Variants in VPS8 observed in about 807,000 individuals in gnomAD.
VPS8 encodes the protein vacuolar protein sorting-associated protein 8 homolog.
Under a neutral mutation model 216.4 loss-of-function variants are expected in VPS8, and 129 were observed. The observed-to-expected ratio is 0.60, with a 90% CI of 0.52 to 0.69. The LOEUF (loss-of-function observed/expected upper bound fraction) is 0.69, where lower values mean the gene tolerates loss of function less well. Ranked by LOEUF, VPS8 falls within the 30% of genes least tolerant of loss-of-function variation. VPS8 has a pLI of 0.00. For synonymous variants in VPS8, 571 were observed against 565.4 expected (o/e 1.01, Z -0.14); for missense variants, 1,531 against 1,683.5 (o/e 0.91, Z 1.59).
intron 21 of VPS8, among the ~76,000 whole-genome samples, chr3:184,876,715 C>G (rs1729344311): frequency 1.3e-5 from 2 of 152,168 alleles, no homozygotes; most frequent in Non-Finnish European, 2.9e-5. Flanking sequence ...TTGTTCCTGG[C>G]TATTCTGCCT....
chr3:184,831,296 C>T (rs956877311), intron 3 of VPS8, among the ~76,000 whole-genome samples: 11 of 152,134 alleles, frequency 7.2e-5, no homozygotes, highest in African/African-American at 2.2e-4. Context: ...TACTGCACAC[C>T]GGCCTGGGTG....
At chr3:184,819,238 C>T (rs1258791200) in intron 1 of VPS8, among the ~76,000 whole-genome samples, 1 of 151,630 alleles carries the variant, frequency 6.6e-6, no homozygotes, top group Non-Finnish European at 1.5e-5. Flanking sequence ...TTTATCAGCA[C>T]TCAGAAGAGA....
At chr3:185,051,769 T>A in intron 47 of VPS8, 107 bp from the exon 48 acceptor site, 1 of 1,317,026 alleles carries the variant, frequency 7.6e-7, no homozygotes, top group East Asian at 2.7e-5. Flanking sequence ...ATGTTACTAC[T>A]CCTGCAACAC....
chr3:184,825,752 AG>A (rs1418396168), intron 2 of VPS8, among the ~76,000 whole-genome samples: 3 of 152,090 alleles, frequency 2.0e-5, no homozygotes, highest in African/African-American at 7.2e-5. Context: ...AATACAAAAA[AG>A]ATTAGCTGCT....
At chr3:184,932,298 G>A (rs1163937084) in intron 34 of VPS8, among the ~76,000 whole-genome samples, 1 of 152,044 alleles carries the variant, frequency 6.6e-6, no homozygotes, top group African/African-American at 2.4e-5. Flanking sequence ...TATTGCACAT[G>A]TACATAGATA....
intron 46 of VPS8, among the ~76,000 whole-genome samples, chr3:185,036,953 ATT>A (rs1393093591): frequency 6.6e-6 from 1 of 152,034 alleles, no homozygotes; most frequent in Non-Finnish European, 1.5e-5. Context: ...TAAGCCCAAC[ATT>A]TTATTATACA....
In VPS8 at chr3:185,052,135, G is replaced by A; in HGVS notation, c.*110G>A. On this transcript the variant is annotated 3_prime_UTR_variant, in exon 48 of 48. Transcript: ENST00000625842. ...CCACCACCTCCCACGCTTCTGAGAA[G>A]AGGTTCCAAATTGGGCTTCTGTGCC... 1 of 1,307,982 alleles carries A rather than the reference G, an allele frequency of 7.6e-7. No homozygotes were observed. Among genetic ancestry groups the A allele is most frequent in the South Asian group, 1.6e-5 (1 of 63,082 alleles). 81.0% of individuals were successfully genotyped at this position (1,307,982 alleles called of 1,614,324 possible). A position where few individuals can be genotyped will look rare whatever the true frequency, so the allele number is the denominator to read the frequency against.
At chr3:184,835,732 C>T (rs534563452) in intron 5 of VPS8, among the ~76,000 whole-genome samples, 21 of 120,952 alleles carry the variant, frequency 1.7e-4, no homozygotes, top group African/African-American at 6.0e-4. Context: ...TTTTTTGAGA[C>T]GGAGTCTCAC....
intron 42 of VPS8, among the ~76,000 whole-genome samples, chr3:184,991,233 G>A (rs1751857723): frequency 6.6e-6 from 1 of 152,178 alleles, no homozygotes; most frequent in African/African-American, 2.4e-5. Context: ...TCTAGTGTGT[G>A]TCTTGAAAAA....
intron 37 of VPS8, among the ~76,000 whole-genome samples, chr3:184,963,659 C>T (rs555073729): frequency 6.6e-6 from 1 of 151,900 alleles, no homozygotes; most frequent in East Asian, 1.9e-4. Context: ...AAGGTATTGG[C>T]GAATAGAAGC....
At chr3:185,047,173 A>C (rs1188834906) in intron 46 of VPS8, among the ~76,000 whole-genome samples, 1 of 152,212 alleles carries the variant, frequency 6.6e-6, no homozygotes, top group Non-Finnish European at 1.5e-5. Context: ...GACGAGGGCC[A>C]CATGATGTTG....
intron 32 of VPS8, among the ~76,000 whole-genome samples, chr3:184,929,108 G>A (rs1394125462): frequency 2.0e-5 from 3 of 152,078 alleles, no homozygotes; most frequent in Non-Finnish European, 4.4e-5. Context: ...TGAACCTATA[G>A]TTAAAGGTTA....
chr3:184,962,640 G>T (rs1746714402), intron 37 of VPS8, among the ~76,000 whole-genome samples: 1 of 151,500 alleles, frequency 6.6e-6, no homozygotes, highest in African/African-American at 2.4e-5. Flanking sequence ...TGTGTTGGAG[G>T]TACTTTCTTC....
In VPS8 at chr3:184,862,910, G is replaced by C. The variant is rs377718593; in HGVS notation, c.1238G>C (p.Arg413Pro). ...CTTGAATTACAGTGGATAAATTCAC[G>C]CACAGTTGTGCTCTTAGACAGCGTA... ...DLINFTWINSRTVVLLDSVEK... is the reference protein window; with the variant it reads ...DLINFTWINSPTVVLLDSVEK... The change falls in exon 16 of 48, where the codon CGC (arginine) becomes CCC (proline). Residue 413 changes from arginine to proline, a missense_variant. This residue lies in a region of VPS8 where 1,318 missense variants were observed against 1,468.4 expected (regional missense o/e 0.90). Coordinates refer to ENST00000625842, the MANE Select transcript of VPS8 (RefSeq NM_001009921.3). 1 of 1,611,306 alleles carries C rather than the reference G, an allele frequency of 6.2e-7. No individual in the cohort carries two copies. Among genetic ancestry groups the C allele is most frequent in the Non-Finnish European group, 8.5e-7 (1 of 1,178,440 alleles).
chr3:184,899,126 C>A (rs1560584020), intron 24 of VPS8, among the ~76,000 whole-genome samples: 2 of 152,150 alleles, frequency 1.3e-5, no homozygotes, highest in Non-Finnish European at 2.9e-5. Context: ...TTTACTGACT[C>A]AGAATTTTAT....
intron 40 of VPS8, among the ~76,000 whole-genome samples, chr3:184,972,968 T>G (rs969356611): frequency 2.6e-5 from 4 of 152,182 alleles, no homozygotes; most frequent in African/African-American, 4.8e-5. Flanking sequence ...ATGAAAACAA[T>G]AAATCATGGC....
At chr3:184,997,701 T>C (rs1577101159) in intron 44 of VPS8, among the ~76,000 whole-genome samples, 1 of 152,196 alleles carries the variant, frequency 6.6e-6, no homozygotes, top group East Asian at 1.9e-4. Context: ...GGAAAAAATG[T>C]TAAAGGAGAT....
chr3:184,906,017 T>C (rs1189217761), intron 25 of VPS8, among the ~76,000 whole-genome samples: 1 of 152,140 alleles, frequency 6.6e-6, no homozygotes, highest in Non-Finnish European at 1.5e-5. Flanking sequence ...CTTTGGAAGC[T>C]CAGCTTTTCA....
chr3:184,839,631 T>C, intron 6 of VPS8, 67 bp from the exon 7 acceptor site: 1 of 1,491,952 alleles, frequency 6.7e-7, no homozygotes, highest in Non-Finnish European at 9.1e-7. Flanking sequence ...GCCAACAAAT[T>C]CAACTCTGAT....
Sources: gnomAD v4.1 joint callset for allele counts (sites outside exome capture counted in the v4.1 genomes callset) on GRCh38, gnomAD v4.1.1 for gene constraint, gnomAD v4.1.1 regional missense constraint, MANE v1.5 for transcripts, NCBI Gene and HGNC (gene_info 2026-07-23, HGNC 2026-07-21) for gene names.